Variants in MTUS2 observed in about 807,000 individuals in gnomAD.
MTUS2 encodes microtubule associated scaffold protein 2.
A neutral mutation model predicts 114.1 loss-of-function variants in MTUS2; 40 were observed. The ratio of observed to expected loss-of-function variants is 0.35; its 90% CI spans 0.27 to 0.46. The LOEUF is 0.46. MTUS2 is among the 20% of genes least tolerant of loss of function. The pLI is 1.00. For synonymous variants in MTUS2, 688 were observed against 672.0 expected, an observed-to-expected ratio of 1.02 and a Z score of -0.37; for missense variants, 1,679 against 1,705.4, an observed-to-expected ratio of 0.98 and a Z score of 0.27.
chr13:29,335,697 T>C (rs1901026581), intron 7 of MTUS2, among the ~76,000 whole-genome samples: 1 of 152,196 alleles, frequency 6.6e-6, no homozygotes. Context: ...GAAAAGAACA[T>C]ATGTGAATTA....
At chr13:28,920,886 C>T (rs1881006504) in intron 2 of MTUS2, among the ~76,000 whole-genome samples, 1 of 152,182 alleles carries the variant, frequency 6.6e-6, no homozygotes, top group African/African-American at 2.4e-5. Flanking sequence ...CTCTTAAGGC[C>T]CAAGGACTCT....
In MTUS2 at chr13:29,025,817, G is replaced by T. The variant is rs1050114054; in HGVS notation, c.1119G>T (p.Val373=). 1 of 1,613,784 alleles carries T rather than the reference G, an allele frequency of 6.2e-7. No homozygotes were observed. Among genetic ancestry groups the T allele is most frequent in the Non-Finnish European group, 8.5e-7 (1 of 1,179,856 alleles). ...ACAGTGACCTCCACCACCTTGGGGT[G>T]GGAAGAGGCAACTGTGAAGAGAAGA... The part of the protein sequence containing the change: ...LLNSDLHHLG[V]GRGNCEEKRG... Residue 373 remains valine, a synonymous_variant, in exon 3 of 16, where the codon GTG becomes GTT. Transcript: ENST00000612955.
At chr13:29,434,423 GTTCATCCA>G (rs1877262186) in intron 8 of MTUS2, among the ~76,000 whole-genome samples, 1 of 152,156 alleles carries the variant, frequency 6.6e-6, no homozygotes, top group Non-Finnish European at 1.5e-5. Context: ...TTCTGTAATT[GTTCATCCA>G]TTTACTGACT....
intron 5 of MTUS2, among the ~76,000 whole-genome samples, chr13:29,143,085 G>T (rs1892293285): frequency 6.6e-6 from 1 of 152,160 alleles, no homozygotes. Context: ...TGGGCGCCAG[G>T]AATTCACTGT....
At chr13:28,842,908 C>T (rs2137994654) in intron 2 of MTUS2, among the ~76,000 whole-genome samples, 1 of 152,272 alleles carries the variant, frequency 6.6e-6, no homozygotes, top group Admixed American at 6.5e-5. Flanking sequence ...TCAGTGGCTC[C>T]TTAGAACCCC....
At chr13:28,989,313 G>A (rs1257942479) in intron 2 of MTUS2, among the ~76,000 whole-genome samples, 2 of 152,156 alleles carry the variant, frequency 1.3e-5, no homozygotes, top group Non-Finnish European at 2.9e-5. Context: ...AGTGAAAGGA[G>A]CTTATGAAAA....
intron 5 of MTUS2, among the ~76,000 whole-genome samples, chr13:29,281,411 A>ATGTC (rs1333984864): frequency 1.4e-5 from 2 of 140,814 alleles, no homozygotes; most frequent in Non-Finnish European, 3.1e-5. Flanking sequence ...GCATGTATGT[A>ATGTC]TGTATGTCTG....
In MTUS2 at chr13:29,026,640, A is replaced by G; in HGVS notation, c.1942A>G (p.Ile648Val). The G allele has an allele frequency of 4.3e-6, 7 of 1,613,998 alleles. No individual in the cohort carries two copies. The highest frequency in any genetic ancestry group is 1.1e-5 in the South Asian group (1 of 91,078). Residue 648 changes from isoleucine to valine, a missense_variant, in exon 3 of 16, where the codon ATC becomes GTC. Physicochemically the swap from Ile to Val is conservative, Grantham distance 29. Coordinates refer to ENST00000612955, the MANE Select transcript of MTUS2 (RefSeq NM_001033602.4). ...TGTGAGGCCCAAGATCATCACCTAC[A>G]TCAGGAGGAATCCCCAGGCCCTGGG... is the stretch of plus-strand genomic sequence containing the variant. ...KHVRPKIITY[I>V]RRNPQALGQV...
intron 6 of MTUS2, among the ~76,000 whole-genome samples, chr13:29,319,527 G>A (rs1900163968): frequency 6.6e-6 from 1 of 152,192 alleles, no homozygotes; most frequent in Non-Finnish European, 1.5e-5. Flanking sequence ...AATTCCCGAG[G>A]TAGGGCTGTC....
intron 9 of MTUS2, among the ~76,000 whole-genome samples, chr13:29,450,468 A>C (rs1008578622): frequency 1.3e-5 from 2 of 152,214 alleles, no homozygotes; most frequent in East Asian, 3.9e-4. Flanking sequence ...CTTAAATTTC[A>C]GATTAGATTC....
chr13:28,988,537 A>G (rs1307970699), intron 2 of MTUS2, among the ~76,000 whole-genome samples: 1 of 152,236 alleles, frequency 6.6e-6, no homozygotes, highest in Non-Finnish European at 1.5e-5. Context: ...ACAGAAAATT[A>G]GAGAAATGGA....
chr13:29,194,922 A>G (rs1894615474), intron 5 of MTUS2, among the ~76,000 whole-genome samples: 3 of 149,464 alleles, frequency 2.0e-5, no homozygotes, highest in Admixed American at 2.0e-4. Context: ...GCCATAAAAA[A>G]TGATGAGTTC....
At chr13:28,844,590 A>AGTGTGTGTGTGTGT (rs60819520) in intron 2 of MTUS2, among the ~76,000 whole-genome samples, 2,730 of 148,150 alleles carry the variant, frequency 0.018, 32 homozygotes, top group Middle Eastern at 0.049. Flanking sequence ...TTTGTGTGTG[A>AGTGTGTGTGTGTGT]GTGTGTGTGT....
chr13:28,905,204 A>G (rs1291161079), intron 2 of MTUS2, among the ~76,000 whole-genome samples: 3 of 151,556 alleles, frequency 2.0e-5, no homozygotes, highest in African/African-American at 4.9e-5. Flanking sequence ...CTGCAAACAG[A>G]GACAATTTGA....
chr13:29,306,907 G>T (rs1212790487), intron 6 of MTUS2: 8 of 525,846 alleles, frequency 1.5e-5, no homozygotes, highest in Non-Finnish European at 2.6e-5. Context: ...CAACTACATG[G>T]TCTACATGTT....
At chr13:29,464,466 A>ACTGTCTG (rs961691446) in intron 9 of MTUS2, among the ~76,000 whole-genome samples, 3 of 152,192 alleles carry the variant, frequency 2.0e-5, no homozygotes, top group Admixed American at 6.5e-5. Flanking sequence ...GTGATAGGGC[A>ACTGTCTG]CTGTCTGCCC....
At chr13:29,390,076 C>A (rs1873295260) in intron 8 of MTUS2, among the ~76,000 whole-genome samples, 1 of 127,014 alleles carries the variant, frequency 7.9e-6, no homozygotes, top group Non-Finnish European at 1.7e-5. Flanking sequence ...CATACATATA[C>A]ACATACGTAT....
At chr13:29,308,292 G>C (rs1012542644) in intron 6 of MTUS2, among the ~76,000 whole-genome samples, 1 of 152,134 alleles carries the variant, frequency 6.6e-6, no homozygotes, top group Non-Finnish European at 1.5e-5. Context: ...CTTTACAAAA[G>C]TAAGCAATGG....
At chr13:29,272,841 C>T (rs1482500645) in intron 5 of MTUS2, among the ~76,000 whole-genome samples, 3 of 152,168 alleles carry the variant, frequency 2.0e-5, no homozygotes, top group Non-Finnish European at 4.4e-5. Context: ...GTAATTAATA[C>T]AGAACAGAAA....
Sources: gnomAD v4.1 joint callset for allele counts (sites outside exome capture counted in the v4.1 genomes callset) on GRCh38, gnomAD v4.1.1 for gene constraint, MANE v1.5 for transcripts, NCBI Gene and HGNC (gene_info 2026-07-23, HGNC 2026-07-21) for gene names.